Variants in OR9Q1 observed in about 807,000 individuals in gnomAD.
The protein encoded by OR9Q1 is olfactory receptor 9Q1.
For synonymous variants in OR9Q1, 153 were observed against 148.6 expected (o/e 1.03, Z -0.22); for missense variants, 374 against 378.8 (o/e 0.99, Z 0.11).
chr11:58,031,705 G>T (rs1853041815), intron 1 of OR9Q1: 1 of 1,613,860 alleles, frequency 6.2e-7, no homozygotes, highest in African/African-American at 1.3e-5. Flanking sequence ...ACCTGACTGT[G>T]GTGAGCCTCT....
chr11:58,035,914 T>C (rs546032451), intron 1 of OR9Q1, among the ~76,000 whole-genome samples: 1 of 151,888 alleles, frequency 6.6e-6, no homozygotes, highest in South Asian at 2.1e-4. Context: ...TATTTTATTA[T>C]GTTTTGTGTT....
At chr11:58,040,391 T>C (rs963462026) in intron 1 of OR9Q1, among the ~76,000 whole-genome samples, 7 of 152,324 alleles carry the variant, frequency 4.6e-5, no homozygotes, top group Admixed American at 4.6e-4. Context: ...TATATAGCTA[T>C]GACAGCAGGA....
intron 2 of OR9Q1, among the ~76,000 whole-genome samples, chr11:58,175,812 CT>C (rs983583640): frequency 0.014 from 2,045 of 144,828 alleles, 41 homozygotes; most frequent in African/African-American, 0.039. Flanking sequence ...CCTTATCTTC[CT>C]TTTTTTTTTT....
intron 2 of OR9Q1, among the ~76,000 whole-genome samples, chr11:58,099,518 T>C (rs1040358337): frequency 2.0e-5 from 3 of 152,046 alleles, no homozygotes; most frequent in Non-Finnish European, 4.4e-5. Context: ...CTAACATTAA[T>C]ATAGGCACCC....
chr11:58,082,681 G>C (rs1037120636), intron 2 of OR9Q1, among the ~76,000 whole-genome samples: 1 of 143,046 alleles, frequency 7.0e-6, no homozygotes, highest in Non-Finnish European at 1.5e-5. Context: ...CACCAGCATG[G>C]CACATGTATG....
intron 2 of OR9Q1, among the ~76,000 whole-genome samples, chr11:58,143,888 T>C (rs1280530378): frequency 6.6e-6 from 1 of 151,880 alleles, no homozygotes; most frequent in Non-Finnish European, 1.5e-5. Flanking sequence ...ATAAAAACAA[T>C]ATGTGCTTCG....
At chr11:58,113,482 C>A (rs1042931856) in intron 2 of OR9Q1, among the ~76,000 whole-genome samples, 1 of 152,196 alleles carries the variant, frequency 6.6e-6, no homozygotes, top group Admixed American at 6.5e-5. Flanking sequence ...CATTACCCCC[C>A]TCATTGTACT....
chr11:58,147,523 AG>A (rs750755795), intron 2 of OR9Q1, among the ~76,000 whole-genome samples: 45 of 152,286 alleles, frequency 3.0e-4, no homozygotes, highest in South Asian at 4.1e-4. Flanking sequence ...CTATTTTTAT[AG>A]TGGCAGGAAA....
At chr11:58,126,238 G>T (rs1230700977) in intron 2 of OR9Q1, among the ~76,000 whole-genome samples, 1 of 152,064 alleles carries the variant, frequency 6.6e-6, no homozygotes, top group Admixed American at 6.6e-5. Context: ...ACATAATTTG[G>T]CACTGAACTC....
At chr11:58,116,911 C>T (rs1853960864) in intron 2 of OR9Q1, 1 of 152,184 alleles carries the variant, frequency 6.6e-6, no homozygotes, top group Non-Finnish European at 1.5e-5. Context: ...ACAAATACAT[C>T]CTTTTATTAT....
intron 2 of OR9Q1, among the ~76,000 whole-genome samples, chr11:58,166,596 T>C (rs989470955): frequency 3.9e-5 from 6 of 152,206 alleles, no homozygotes; most frequent in African/African-American, 7.2e-5. Flanking sequence ...TGACTGGTTA[T>C]GTACTCATGC....
At position 58,069,435 on chromosome 11, in the gene OR9Q1, T is replaced by C. The variant is rs565085912; in HGVS notation, c.-15+13488T>C. 4.6e-5 allele frequency among the ~76,000 whole-genome samples: 7 copies of C among 152,214 alleles called. No individual in the cohort carries two copies. In the East Asian group the frequency reaches 1.2e-3, roughly 25 times the overall value. On this transcript the variant is annotated intron_variant, in intron 2 of 2. Coordinates refer to ENST00000335397, the MANE Select transcript of OR9Q1 (RefSeq NM_001005212.4). ...CCTGAGGAGGCTGGTTCTGCTTGGATTGTGGCTCTCTTGCCCTGAGTACTG... is the reference window on the plus strand; with the variant it reads ...CCTGAGGAGGCTGGTTCTGCTTGGACTGTGGCTCTCTTGCCCTGAGTACTG...
intron 1 of OR9Q1, among the ~76,000 whole-genome samples, chr11:58,042,798 C>T (rs943764288): frequency 5.8e-4 from 88 of 152,220 alleles, no homozygotes; most frequent in African/African-American, 1.8e-3. Flanking sequence ...TTCTTCCATT[C>T]GTTTGTATCC....
chr11:58,058,755 C>A (rs550865915), intron 2 of OR9Q1, among the ~76,000 whole-genome samples: 1 of 152,190 alleles, frequency 6.6e-6, no homozygotes, highest in Admixed American at 6.5e-5. Flanking sequence ...CCCTCGCCCC[C>A]GATCTGCTTC....
At chr11:58,129,608 T>G (rs895993984) in intron 2 of OR9Q1, among the ~76,000 whole-genome samples, 1 of 152,190 alleles carries the variant, frequency 6.6e-6, no homozygotes, top group Non-Finnish European at 1.5e-5. Context: ...CCTCAGAGCC[T>G]TTGGATTTAC....
chr11:58,035,099 G>T (rs1295233251), intron 1 of OR9Q1, among the ~76,000 whole-genome samples: 4 of 152,028 alleles, frequency 2.6e-5, no homozygotes, highest in African/African-American at 4.8e-5. Flanking sequence ...AAAGTATTGG[G>T]ACTACAGGAA....
rs190743779 is a variant in OR9Q1 at position 58,029,640 on chromosome 11, T to G, written c.-93+5536T>G. Among the ~76,000 whole-genome samples the G allele has an allele frequency of 2.0e-4, 30 of 152,316 alleles. 1 individual carries two copies. The East Asian group carries it at 5.8e-3, about 29-fold the overall frequency. On this transcript the variant is annotated intron_variant, in intron 1 of 2. Coordinates refer to ENST00000335397, the MANE Select transcript of OR9Q1 (RefSeq NM_001005212.4). ...TTATCTGTTTTTTAAAAAATGGGAT[T>G]ATTTAGTGATTCACTCATGGTCACA...
intron 2 of OR9Q1, among the ~76,000 whole-genome samples, chr11:58,148,537 C>A (rs1048622089): frequency 3.9e-5 from 6 of 152,132 alleles, no homozygotes; most frequent in African/African-American, 1.4e-4. Flanking sequence ...GTGCAAATGA[C>A]CACAAGAACA....
intron 2 of OR9Q1, chr11:58,118,489 C>T: frequency 6.5e-7 from 1 of 1,546,226 alleles, no homozygotes; most frequent in Non-Finnish European, 8.8e-7. Context: ...AAGAATTCCT[C>T]TTACTTAGAT....
Sources: gnomAD v4.1 joint callset for allele counts (sites outside exome capture counted in the v4.1 genomes callset) on GRCh38, gnomAD v4.1.1 for gene constraint, MANE v1.5 for transcripts, NCBI Gene and HGNC (gene_info 2026-07-23, HGNC 2026-07-21) for gene names.